The following LONP1 variants were observed in gnomAD, a reference collection of about 807,000 sequenced individuals.
LONP1 encodes the protein lon protease homolog, mitochondrial.
In LONP1, 31 loss-of-function variants were observed where a neutral mutation model predicts 98.5. The ratio of observed to expected loss-of-function variants is 0.31; its 90% CI spans 0.24 to 0.42. The LOEUF is 0.42. LONP1 is among the 20% of genes least tolerant of loss of function. The pLI, the probability that LONP1 is intolerant of heterozygous loss-of-function variation, is 1.00. For missense variants in LONP1, 1,336 were observed against 1,350.6 expected, an observed-to-expected ratio of 0.99 and a Z score of 0.17; for synonymous variants, 781 against 594.7, an observed-to-expected ratio of 1.31 and a Z score of -4.56.
intron 2 of LONP1, 93 bp downstream of exon 2, chr19:5,714,089 CA>C: frequency 1.1e-6 from 1 of 928,748 alleles, no homozygotes; most frequent in South Asian, 1.6e-5. Flanking sequence ...TCCTCGGGGT[CA>C]GGGGTCAAAG....
chr19:5,701,300 T>G (rs1357641315), intron 8 of LONP1, among the ~76,000 whole-genome samples: 1 of 144,234 alleles, frequency 6.9e-6, no homozygotes, highest in Non-Finnish European at 1.5e-5. Flanking sequence ...AAAAAATGCT[T>G]CTGCCTCTGC....
chr19:5,695,989 T>A, intron 13 of LONP1, 65 bp downstream of exon 13: 1 of 1,455,652 alleles, frequency 6.9e-7, no homozygotes, highest in East Asian at 2.4e-5. Flanking sequence ...GCACGGCCTC[T>A]GCAGGCTCTG....
intron 8 of LONP1, among the ~76,000 whole-genome samples, chr19:5,702,141 C>T (rs1323273133): frequency 6.0e-5 from 9 of 150,138 alleles, no homozygotes; most frequent in African/African-American, 7.3e-5. Context: ...TCTGCCCGGC[C>T]GCCCCTACTG....
intron 10 of LONP1, among the ~76,000 whole-genome samples, chr19:5,697,186 G>A (rs995562858): frequency 3.9e-5 from 6 of 152,118 alleles, no homozygotes; most frequent in East Asian, 3.9e-4. Context: ...ACAGGGGCCC[G>A]GCCCGCGACA....
intron 10 of LONP1, among the ~76,000 whole-genome samples, chr19:5,697,598 G>T (rs2145588311): frequency 7.4e-6 from 1 of 135,200 alleles, no homozygotes; most frequent in Non-Finnish European, 1.6e-5. Context: ...GAGGGAGAGA[G>T]AGGAGGGGGT....
chr19:5,694,579 C>T (rs1056843887), intron 14 of LONP1, 27 bp from the exon 15 acceptor site: 2 of 1,606,292 alleles, frequency 1.2e-6, no homozygotes, highest in Non-Finnish European at 1.7e-6. Context: ...ACACAATGGG[C>T]ACGGGAAGGT....
Position 5,696,336 on chromosome 19 carries a change from C to G in LONP1, c.1809G>C (p.Pro603=), listed in dbSNP as rs779839529. The G allele has an allele frequency of 6.2e-7, 1 of 1,613,170 alleles. No homozygotes were observed. Among genetic ancestry groups the G allele is most frequent in the Non-Finnish European group, 8.5e-7 (1 of 1,179,898 alleles). The stretch of plus-strand genomic sequence containing the variant: ...CCAGCAGCTCCAGCAGTGCCGACGA[C>G]GGGTCCCCCTGGTAGCCTCGGCCGA... ...DKIGRGYQGD[P]SSALLELLDP... The change falls in exon 12 of 18, where the codon CCG becomes CCC. Residue 603 remains proline, a synonymous_variant. Transcript: ENST00000360614.
Position 5,692,211 on chromosome 19 carries a change from G to A in LONP1, c.2704-3C>T, listed in dbSNP as rs775570835. On this transcript the variant is annotated splice_polypyrimidine_tract_variant and splice_region_variant and intron_variant, in intron 17 of 17. Coordinates refer to ENST00000360614, the MANE Select transcript of LONP1 (RefSeq NM_004793.4). ...CACGTCACCCCTGCGCGCTTGGCCT[G>A]GGGGCAGAGTCAGGGTCAGCCCTGC... 5.3e-5 allele frequency: 85 copies of A among 1,608,888 alleles called. No homozygotes were observed. Among genetic ancestry groups the A allele is most frequent in the Non-Finnish European group, 6.6e-5 (78 of 1,176,804 alleles).
In LONP1 at chr19:5,694,422, G is replaced by A; in HGVS notation, c.2285C>T (p.Pro762Leu). ...TVERMYDVTP[P>L]GVVMGLAWTA... ...CCAGGCCAGCCCCATGACCACGCCG[G>A]GCGGTGTCACGTCATACATGCGCTC... Residue 762 changes from proline (P) to leucine (L), a missense_variant, in exon 15 of 18, where the codon CCC becomes CTC. Transcript: ENST00000360614. 2 of 1,613,478 alleles carry A rather than the reference G, an allele frequency of 1.2e-6. No homozygotes were observed. Among genetic ancestry groups the A allele is most frequent in the Non-Finnish European group, 1.7e-6 (2 of 1,180,010 alleles).
intron 15 of LONP1, 62 bp from the exon 16 acceptor site, chr19:5,693,831 A>C: frequency 1.4e-6 from 2 of 1,413,036 alleles, no homozygotes; most frequent in East Asian, 2.4e-5. Flanking sequence ...TGCTCACTCC[A>C]CCCCTCGGGG....
In LONP1 at chr19:5,693,301, A is replaced by G. The variant is rs778525111; in HGVS notation, c.2700T>C (p.Ile900=). 5.6e-6 allele frequency: 9 copies of G among 1,610,382 alleles called. No homozygotes were observed. The South Asian group carries it at 7.7e-5, about 14-fold the overall frequency. Residue 900 remains isoleucine, a synonymous_variant, in exon 17 of 18, where the codon ATT becomes ATC. Transcript: ENST00000360614. The part of the protein sequence containing the change: ...LPVGGIKEKT[I]AAKRAGVTCI... ...GGGTGGGTACAGGGACACTCACCGCAATGGTCTTCTCCTTGATGCCACCAA... is the reference window on the plus strand; with the variant it reads ...GGGTGGGTACAGGGACACTCACCGCGATGGTCTTCTCCTTGATGCCACCAA...
chr19:5,720,244 C>G (rs2055420635), upstream of LONP1: 1 of 1,353,050 alleles, frequency 7.4e-7, no homozygotes, highest in East Asian at 2.9e-5. Flanking sequence ...CTCGAAACAG[C>G]CGCTTCAGGG....
intron 8 of LONP1, among the ~76,000 whole-genome samples, chr19:5,702,311 G>T (rs377527076): frequency 7.0e-6 from 1 of 142,836 alleles, no homozygotes; most frequent in Non-Finnish European, 1.5e-5. Context: ...AGGTGGAGGC[G>T]TCAGCCCCCC....
rs534049824 is a variant in LONP1, at chr19:5,704,405, G to A, written c.1367+1367C>T. Among the ~76,000 whole-genome samples the A allele has an allele frequency of 2.6e-5, 4 of 152,280 alleles. No homozygotes were observed. The East Asian group carries it at 5.8e-4, about 22-fold the overall frequency. On this transcript the variant is annotated intron_variant, in intron 8 of 17. Coordinates refer to ENST00000360614, the MANE Select transcript of LONP1 (RefSeq NM_004793.4). ...TGGGAGGGGAAGCCACAGCCTTCGC[G>A]CGCAACCAGTGCCTCTCAGGGCCCT...
In LONP1 at chr19:5,696,454, G is replaced by GGGAGACCCCGAGTGA. The variant is rs1350553797; in HGVS notation, c.1774-98_1774-84dup. 4 of 1,544,436 alleles carry GGGAGACCCCGAGTGA rather than the reference G, an allele frequency of 2.6e-6. No individual in the cohort carries two copies. In the African/African-American group the frequency reaches 5.4e-5, roughly 21 times the overall value. ...TGGGGAGACCCCAGGGTCAGGGCTG[G>GGGAGACCCCGAGTGA]GGAGACCCCGAGTGAGAGCGGCACC... On this transcript the variant is annotated intron_variant, in intron 11 of 17. Coordinates refer to ENST00000360614, the MANE Select transcript of LONP1 (RefSeq NM_004793.4).
At position 5,693,715 on chromosome 19, in the gene LONP1, G is replaced by T. The variant is rs985670074; in HGVS notation, c.2375C>A (p.Ala792Asp). Residue 792 changes from alanine (A) to aspartate (D), a missense_variant, in exon 16 of 18, where the codon GCC becomes GAC. This residue lies in a region of LONP1 where 555 missense variants were observed against 542.6 expected (regional missense o/e 1.02). Transcript: ENST00000360614. The part of the protein sequence containing the change: ...TSLRRPQDKD[A>D]KGDKDGSLEV... ...CAGGCTGCCATCCTTGTCACCCTTG[G>T]CATCCTTGTCCTGTGGCCGTCTCAG... 3 of 1,614,058 alleles carry T rather than the reference G, an allele frequency of 1.9e-6. No individual in the cohort carries two copies. The highest frequency in any genetic ancestry group is 2.5e-6 in the Non-Finnish European group (3 of 1,179,986).
chr19:5,707,918 G>A (rs2055173966), intron 5 of LONP1, 92 bp from the exon 6 acceptor site: 1 of 1,474,700 alleles, frequency 6.8e-7, no homozygotes, highest in Admixed American at 1.9e-5. Flanking sequence ...CAGGGTCCCT[G>A]TCCCCTGTAG....
Position 5,711,894 on chromosome 19 carries a change from C to A in LONP1, c.747G>T (p.Glu249Asp). 2.5e-6 allele frequency: 4 copies of A among 1,613,164 alleles called. No homozygotes were observed. The highest frequency in any genetic ancestry group is 3.4e-6 in the Non-Finnish European group (4 of 1,179,992). ...SKRGKKEAED[E>D]LSARHPAELA... ...GCTCCGCCGGGTGCCTGGCGCTCAG[C>A]TCGTCCTCCGCCTCCTTCTTGCCCC... Residue 249 changes from glutamate (E) to aspartate (D), a missense_variant, in exon 4 of 18, where the codon GAG (glutamate) becomes GAT (aspartate). By Grantham distance (45) the Glu-to-Asp change is conservative. Around this residue, in one of 5 missense-constraint regions of LONP1, gnomAD observed 457 missense variants for 403.1 expected, o/e 1.13. Coordinates refer to ENST00000360614, the MANE Select transcript of LONP1 (RefSeq NM_004793.4).
At chr19:5,702,619 G>A (rs538418117) in intron 8 of LONP1, among the ~76,000 whole-genome samples, 64 of 152,370 alleles carry the variant, frequency 4.2e-4, no homozygotes, top group African/African-American at 1.3e-3. Context: ...GATGGTTGCC[G>A]TGTCTGTGTA....
Sources: allele counts gnomAD v4.1 joint callset (sites outside exome capture counted in the v4.1 genomes callset), GRCh38; gene constraint gnomAD v4.1.1; regional missense constraint gnomAD v4.1.1; transcripts MANE v1.5; gene names NCBI Gene and HGNC (gene_info 2026-07-23, HGNC 2026-07-21).